Variants in KCNIP4 observed in about 807,000 individuals in gnomAD.
The protein encoded by KCNIP4 is Kv channel-interacting protein 4.
In KCNIP4, 12 loss-of-function variants were observed where a neutral mutation model predicts 34.0. The observed-to-expected ratio is 0.35, with a 90% confidence interval of 0.23 to 0.57. The LOEUF is 0.57. Among genes scored for constraint, KCNIP4 ranks in the 20% least tolerant of loss-of-function variants. The probability of loss-of-function intolerance (pLI) is 0.83; values close to 1 mark genes in which losing one functional copy is unlikely to be tolerated. For missense variants in KCNIP4, 238 were observed against 311.7 expected, an observed-to-expected ratio of 0.76 and a Z score of 1.78; for synonymous variants, 124 against 102.2, an observed-to-expected ratio of 1.21 and a Z score of -1.29.
chr4:20,873,880 G>A (rs558852632), intron 2 of KCNIP4, among the ~76,000 whole-genome samples: 1 of 152,300 alleles, frequency 6.6e-6, no homozygotes, highest in Non-Finnish European at 1.5e-5. Context: ...GACTGGCTAA[G>A]CTTTATCTTT....
intron 1 of KCNIP4, among the ~76,000 whole-genome samples, chr4:21,691,691 C>CTTTTTTTTTT (rs36004947): frequency 5.8e-5 from 6 of 103,144 alleles, no homozygotes; most frequent in Non-Finnish European, 7.5e-5. Context: ...AAACGCAGCT[C>CTTTTTTTTTT]TTTTTTTTTT....
In KCNIP4 at chr4:20,916,988, TA is replaced by T. The variant is rs1728889204; in HGVS notation, c.62-34280del. On this transcript the variant is annotated intron_variant, in intron 1 of 8. Coordinates refer to ENST00000382152, the MANE Select transcript of KCNIP4 (RefSeq NM_025221.6). ...TCCACCATTGACCATCTTATGTTTA[TA>T]TATATATATATATATATATATATAT... 6.4e-3 allele frequency among the ~76,000 whole-genome samples: 195 copies of T among 30,360 alleles called. 38 individuals are homozygous for T. Among genetic ancestry groups the T allele is most frequent in the East Asian group, 0.018 (9 of 502 alleles). The allele number at this position is 30,360 out of a possible 152,430, so 19.9% of individuals were successfully genotyped here.
chr4:20,944,685 C>T (rs1402437813), intron 1 of KCNIP4, among the ~76,000 whole-genome samples: 4 of 152,162 alleles, frequency 2.6e-5, no homozygotes, highest in African/African-American at 9.7e-5. Context: ...TTTGGGAAAA[C>T]CAGAGGCCTA....
chr4:21,510,570 C>T (rs989686630), intron 1 of KCNIP4, among the ~76,000 whole-genome samples: 3 of 151,962 alleles, frequency 2.0e-5, no homozygotes, highest in Non-Finnish European at 4.4e-5. Flanking sequence ...AATGTGGGTT[C>T]TAGTTTTATC....
At chr4:21,147,492 C>G (rs567284024) in intron 1 of KCNIP4, among the ~76,000 whole-genome samples, 42 of 152,278 alleles carry the variant, frequency 2.8e-4, no homozygotes, top group African/African-American at 9.6e-4. Flanking sequence ...TGCTCATGAA[C>G]TGAACTGCTT....
intron 1 of KCNIP4, among the ~76,000 whole-genome samples, chr4:21,446,808 A>ACTT (rs981275011): frequency 3.3e-5 from 5 of 152,158 alleles, no homozygotes; most frequent in African/African-American, 9.7e-5. Context: ...TATTTCTTTC[A>ACTT]CTTAGCATAT....
chr4:21,528,171 T>C (rs1736135235), intron 1 of KCNIP4, among the ~76,000 whole-genome samples: 1 of 152,182 alleles, frequency 6.6e-6, no homozygotes, highest in Admixed American at 6.5e-5. Flanking sequence ...TCCAGATCGA[T>C]GCTTTTTTAA....
intron 1 of KCNIP4, among the ~76,000 whole-genome samples, chr4:21,109,854 C>T (rs1269992284): frequency 6.6e-6 from 1 of 152,142 alleles, no homozygotes; most frequent in African/African-American, 2.4e-5. Context: ...TAGAAAGTCT[C>T]TCTTTGCTTA....
chr4:21,277,754 A>T (rs1762526201), intron 1 of KCNIP4, among the ~76,000 whole-genome samples: 1 of 152,232 alleles, frequency 6.6e-6, no homozygotes, highest in African/African-American at 2.4e-5. Context: ...TCAAGGAAAT[A>T]AAGCAAAATA....
intron 1 of KCNIP4, among the ~76,000 whole-genome samples, chr4:21,907,855 G>A (rs530942398): frequency 1.2e-4 from 18 of 152,260 alleles, no homozygotes; most frequent in South Asian, 1.0e-3. Context: ...AAGGAAGCAA[G>A]TTTATGATAG....
chr4:21,796,974 T>C (rs1416533883), intron 1 of KCNIP4, among the ~76,000 whole-genome samples: 1 of 152,194 alleles, frequency 6.6e-6, no homozygotes, highest in Non-Finnish European at 1.5e-5. Flanking sequence ...CTTGGACATA[T>C]TCTGAGCAAG....
intron 1 of KCNIP4, among the ~76,000 whole-genome samples, chr4:20,893,593 T>C (rs1162646761): frequency 1.3e-5 from 2 of 151,528 alleles, no homozygotes; most frequent in African/African-American, 2.4e-5. Flanking sequence ...CCAGTATTTT[T>C]TTTTTTTTTT....
At chr4:21,775,772 G>C (rs761953393) in intron 1 of KCNIP4, among the ~76,000 whole-genome samples, 2 of 152,240 alleles carry the variant, frequency 1.3e-5, no homozygotes, top group African/African-American at 4.8e-5. Flanking sequence ...GTGGGGACAA[G>C]CCTTGGGACC....
chr4:21,291,208 A>G (rs1327048509), intron 1 of KCNIP4, among the ~76,000 whole-genome samples: 1 of 152,166 alleles, frequency 6.6e-6, no homozygotes, highest in Non-Finnish European at 1.5e-5. Flanking sequence ...AAAATCTTCA[A>G]CAGGTCTTGG....
intron 1 of KCNIP4, among the ~76,000 whole-genome samples, chr4:20,980,874 C>A (rs1292821369): frequency 2.6e-5 from 4 of 151,614 alleles, no homozygotes; most frequent in Non-Finnish European, 5.9e-5. Flanking sequence ...GTGGTGCAAT[C>A]TTAGTGAAGA....
chr4:21,329,806 GA>G (rs1715442872), intron 1 of KCNIP4, among the ~76,000 whole-genome samples: 1 of 152,140 alleles, frequency 6.6e-6, no homozygotes, highest in Admixed American at 6.5e-5. Context: ...GACAGACTGG[GA>G]TAATTATGAT....
chr4:21,875,619 C>CT (rs1280256773), intron 1 of KCNIP4, among the ~76,000 whole-genome samples: 1 of 152,066 alleles, frequency 6.6e-6, no homozygotes, highest in Admixed American at 6.6e-5. Flanking sequence ...TAGAAGCCTT[C>CT]TTGTCACCGG....
intron 1 of KCNIP4, among the ~76,000 whole-genome samples, chr4:20,883,344 C>T (rs2149525840): frequency 6.6e-6 from 1 of 152,212 alleles, no homozygotes; most frequent in African/African-American, 2.4e-5. Flanking sequence ...TTCAAACAGA[C>T]TAATTCTGGA....
rs151114459 is a variant in KCNIP4 at position 21,682,834 on chromosome 4, G to A, written c.61+265737C>T. Among the ~76,000 whole-genome samples the A allele has an allele frequency of 6.3e-3, 953 of 152,202 alleles. 14 individuals carry two copies. Among genetic ancestry groups the A allele is most frequent in the African/African-American group, 0.022 (894 of 41,524 alleles). On this transcript the variant is annotated intron_variant, in intron 1 of 8. Transcript: ENST00000382152. ...AACACACACAACATTTATTGATTAC[G>A]TTCACTGTCTCATATAGGTATGGTT...
Sources: gnomAD v4.1 joint callset for allele counts (sites outside exome capture counted in the v4.1 genomes callset) on GRCh38, gnomAD v4.1.1 for gene constraint, MANE v1.5 for transcripts, NCBI Gene and HGNC (gene_info 2026-07-23, HGNC 2026-07-21) for gene names.